KCNN3: variants seen among roughly 807,000 people sequenced by gnomAD.
KCNN3 encodes the protein small conductance calcium-activated potassium channel protein 3.
A neutral mutation model predicts 62.9 loss-of-function variants in KCNN3; 16 were observed. The ratio of observed to expected loss-of-function variants is 0.25; its 90% CI spans 0.17 to 0.39. KCNN3 has a LOEUF of 0.39. Ranked by LOEUF, KCNN3 falls within the 10% of genes least tolerant of loss-of-function variation. KCNN3 has a pLI of 1.00. For missense variants in KCNN3, 599 were observed against 949.4 expected, an observed-to-expected ratio of 0.63 and a Z score of 4.85; for synonymous variants, 370 against 389.2, an observed-to-expected ratio of 0.95 and a Z score of 0.58.
In KCNN3 at chr1:154,704,365, T is replaced by C. The variant is rs1699924413; in HGVS notation, c.*3611A>G. ...AGTTCATAGACACTTTATGACAATT[T>C]ATTGATGATGATCATATATATGTGG... is the stretch of plus-strand genomic sequence containing the variant. On this transcript the variant is annotated 3_prime_UTR_variant, in exon 8 of 8. Transcript: ENST00000271915. The C allele has an allele frequency of 6.6e-6, 1 of 152,258 alleles. No homozygotes were observed. Among genetic ancestry groups the C allele is most frequent in the Admixed American group, 6.5e-5 (1 of 15,282 alleles). The allele number at this position is 152,258 out of a possible 1,614,324, so 9.4% of individuals were successfully genotyped here. A position where few individuals can be genotyped will look rare whatever the true frequency, so the allele number is the denominator to read the frequency against.
rs772377511 is a variant in KCNN3 at position 154,869,365 on chromosome 1, C to T, written c.600G>A (p.Glu200=). The T allele has an allele frequency of 2.5e-6, 4 of 1,614,088 alleles. No homozygotes were observed. The Admixed American group carries it at 5.0e-5, about 20-fold the overall frequency. Residue 200 remains glutamate, a synonymous_variant, in exon 1 of 8, where the codon GAG becomes GAA. Coordinates refer to ENST00000271915, the MANE Select transcript of KCNN3 (RefSeq NM_002249.6). The surrounding 1 kb of genome is among the most constrained non-coding windows in gnomAD (Gnocchi z 6.1). ...RLSASRRNLI[E]AETEGQPLQL... is the part of the protein sequence containing the mutation. Reference sequence around the variant, plus strand: ...GGAGGGGTTGGCCCTCAGTCTCGGCCTCGATGAGGTTCCTCCGGGAGGCGC... The same window carrying T: ...GGAGGGGTTGGCCCTCAGTCTCGGCTTCGATGAGGTTCCTCCGGGAGGCGC...
chr1:154,714,272 G>GGTGCGTGTGGT (rs1700161178), intron 6 of KCNN3, among the ~76,000 whole-genome samples: 1 of 51,298 alleles, frequency 1.9e-5, no homozygotes, highest in Admixed American at 1.9e-4. Flanking sequence ...TGTGGTATGT[G>GGTGCGTGTGGT]GTGTGTGTGG....
At chr1:154,793,949 C>G (rs1261555217) in intron 2 of KCNN3, among the ~76,000 whole-genome samples, 1 of 152,236 alleles carries the variant, frequency 6.6e-6, no homozygotes, top group African/African-American at 2.4e-5. Flanking sequence ...TTGTTCCTCA[C>G]TGATGCATCC....
chr1:154,806,673 T>C (rs1454684920), intron 2 of KCNN3, among the ~76,000 whole-genome samples: 3 of 152,256 alleles, frequency 2.0e-5, no homozygotes, highest in Non-Finnish European at 4.4e-5. Flanking sequence ...GTACAGACTA[T>C]TAATCTGCAT....
intron 1 of KCNN3, among the ~76,000 whole-genome samples, chr1:154,854,729 C>A (rs1652448184): frequency 6.6e-6 from 1 of 152,154 alleles, no homozygotes; most frequent in African/African-American, 2.4e-5. Flanking sequence ...GATCCTGAAC[C>A]TGTGTCAGCC....
rs541767274 is a variant in KCNN3, at chr1:154,851,974, G to A, written c.933+17058C>T. ...GCCTCCCCTGTGACCTCACAACCCC[G>A]CCCACATGATCCCTCCACTCACTGA... On this transcript the variant is annotated intron_variant, in intron 1 of 7. Coordinates refer to ENST00000271915, the MANE Select transcript of KCNN3 (RefSeq NM_002249.6). 1.1e-4 allele frequency among the ~76,000 whole-genome samples: 16 copies of A among 152,122 alleles called. No homozygotes were observed. In the South Asian group the frequency reaches 1.7e-3, roughly 16 times the overall value.
At chr1:154,764,945 T>C (rs1025055940) in intron 3 of KCNN3, among the ~76,000 whole-genome samples, 4 of 152,180 alleles carry the variant, frequency 2.6e-5, no homozygotes, top group East Asian at 1.9e-4. Flanking sequence ...ATGACTTTTG[T>C]TGCCCTTTGG....
At chr1:154,841,439 C>G (rs958292658) in intron 1 of KCNN3, among the ~76,000 whole-genome samples, 2 of 152,148 alleles carry the variant, frequency 1.3e-5, no homozygotes, top group African/African-American at 2.4e-5. Context: ...AAGCTGGGAG[C>G]CAGGCATCAG....
intron 2 of KCNN3, among the ~76,000 whole-genome samples, chr1:154,805,955 A>G (rs1650157526): frequency 6.6e-6 from 1 of 152,240 alleles, no homozygotes; most frequent in South Asian, 2.1e-4. Context: ...TGGGCACAAC[A>G]TAATGACAGG....
At chr1:154,835,991 G>A (rs561366863) in intron 1 of KCNN3, among the ~76,000 whole-genome samples, 56 of 152,310 alleles carry the variant, frequency 3.7e-4, no homozygotes, top group African/African-American at 1.3e-3. Context: ...ATAGCCCCAT[G>A]GCCAGGCATG....
At chr1:154,821,760 G>A (rs968166322) in intron 2 of KCNN3, among the ~76,000 whole-genome samples, 4 of 152,222 alleles carry the variant, frequency 2.6e-5, no homozygotes, top group Non-Finnish European at 5.9e-5. Flanking sequence ...AAAAGGCAGA[G>A]CAATGCATCA....
intron 7 of KCNN3, among the ~76,000 whole-genome samples, chr1:154,711,904 G>C (rs147664908): frequency 7.1e-4 from 108 of 152,192 alleles, no homozygotes; most frequent in African/African-American, 2.6e-3. Flanking sequence ...GAGAGGAAGA[G>C]AGAGGGAGAG....
intron 1 of KCNN3, among the ~76,000 whole-genome samples, chr1:154,835,398 C>T (rs1019425025): frequency 1.3e-5 from 2 of 152,172 alleles, no homozygotes; most frequent in African/African-American, 2.4e-5. Flanking sequence ...AATTGGGGCC[C>T]CCTTCCCGCC....
At chr1:154,863,998 C>G (rs895474253) in intron 1 of KCNN3, among the ~76,000 whole-genome samples, 1 of 152,218 alleles carries the variant, frequency 6.6e-6, no homozygotes, top group Non-Finnish European at 1.5e-5. Flanking sequence ...TCACCACCAC[C>G]CTGGGGCGGG....
chr1:154,730,250 C>T (rs1471247841), intron 4 of KCNN3, among the ~76,000 whole-genome samples: 1 of 152,208 alleles, frequency 6.6e-6, no homozygotes, highest in Non-Finnish European at 1.5e-5. Flanking sequence ...CCAGCCATGG[C>T]AAGTTGTTCA....
intron 3 of KCNN3, among the ~76,000 whole-genome samples, chr1:154,736,649 G>C (rs577244255): frequency 6.6e-6 from 1 of 152,236 alleles, no homozygotes; most frequent in Non-Finnish European, 1.5e-5. Flanking sequence ...GGATTTTCTT[G>C]TGCACGTGGG....
At chr1:154,837,244 G>A (rs757392334) in intron 1 of KCNN3, among the ~76,000 whole-genome samples, 14 of 151,922 alleles carry the variant, frequency 9.2e-5, no homozygotes, top group Non-Finnish European at 1.9e-4. Flanking sequence ...GATTACAGGC[G>A]CACGCCACCA....
At position 154,785,447 on chromosome 1, in the gene KCNN3, C is replaced by T. The variant is rs114099693; in HGVS notation, c.1030-13054G>A. ...CCTTCACCTCCTTCCCAAGGGCCAG[C>T]TGCACTGTCACCCCTTCAGGGGGAG... is the stretch of plus-strand genomic sequence containing the variant. On this transcript the variant is annotated intron_variant, in intron 2 of 7. Transcript: ENST00000271915. Among the ~76,000 whole-genome samples the T allele has an allele frequency of 7.6e-3, 1,156 of 152,288 alleles. 17 individuals carry two copies. The highest frequency in any genetic ancestry group is 0.026 in the African/African-American group (1,092 of 41,546).
Position 154,708,225 on chromosome 1 carries a change from G to A in KCNN3, c.1947C>T (p.Ser649=), listed in dbSNP as rs1571197017. Residue 649 remains serine (S), a synonymous_variant, in exon 8 of 8, where the codon AGC becomes AGT. Transcript: ENST00000271915. ...YDLITELNDR[S]EDLEKQIGSL... ...TGCCAATCTGCTTCTCCAGGTCTTC[G>A]CTCCGGTCATTGAGTTCTGTGATTA... 1.2e-6 allele frequency: 2 copies of A among 1,613,842 alleles called. No homozygotes were observed. The highest frequency in any genetic ancestry group is 1.1e-5 in the South Asian group (1 of 91,058).
Sources: allele counts gnomAD v4.1 joint callset (sites outside exome capture counted in the v4.1 genomes callset), GRCh38; gene constraint gnomAD v4.1.1; non-coding constraint Gnocchi (gnomAD v3.1); transcripts MANE v1.5; gene names NCBI Gene and HGNC (gene_info 2026-07-23, HGNC 2026-07-21).